The following BBS4 variants were observed in gnomAD, a reference collection of about 807,000 sequenced individuals.
BBS4 encodes the protein BBSome complex member BBS4.
In BBS4, 58 loss-of-function variants were observed where a neutral mutation model predicts 71.4. That is an observed-to-expected ratio of 0.81 (90% CI 0.66 to 1.01). The LOEUF is 1.01. Ranked by LOEUF, BBS4 falls within the 50% of genes least tolerant of loss-of-function variation. BBS4 has a pLI of 0.00. For synonymous variants in BBS4, 228 were observed against 216.8 expected, an observed-to-expected ratio of 1.05 and a Z score of -0.46; for missense variants, 660 against 607.9, an observed-to-expected ratio of 1.09 and a Z score of -0.90.
chr15:72,706,285 C>T (rs141471895), intron 2 of BBS4, among the ~76,000 whole-genome samples: 2 of 151,988 alleles, frequency 1.3e-5, no homozygotes, highest in South Asian at 2.1e-4. Context: ...TATAGGTGCC[C>T]GCCACCACTC....
Position 72,716,800 on chromosome 15 carries a change from G to T in BBS4, c.355G>T (p.Ala119Ser). Residue 119 changes from alanine (A) to serine (S), a missense_variant, in exon 6 of 16, where the codon GCT becomes TCT. Physicochemically the swap from Ala to Ser is moderately conservative, Grantham distance 99. Coordinates refer to ENST00000268057, the MANE Select transcript of BBS4 (RefSeq NM_033028.5). ...CAGATTTCTTTTGGGAAAACATAAA[G>T]CTGCCATTGAAGTATATAATGAAGC... ...RSLFLLGKHK[A>S]AIEVYNEAAK... The T allele has an allele frequency of 6.2e-7, 1 of 1,609,892 alleles. No homozygotes were observed. Among genetic ancestry groups the T allele is most frequent in the Non-Finnish European group, 8.5e-7 (1 of 1,178,170 alleles).
chr15:72,706,262 G>A lies in BBS4; in HGVS notation c.77-3438G>A, dbSNP rs1439234051. On this transcript the variant is annotated intron_variant, in intron 2 of 15. Coordinates refer to ENST00000268057, the MANE Select transcript of BBS4 (RefSeq NM_033028.5). ...AGCGATTCTTTTGCCTCAGCCTCCCGAGTAGCTGGGATTATAGGTGCCCGC... is the reference window on the plus strand; with the variant it reads ...AGCGATTCTTTTGCCTCAGCCTCCCAAGTAGCTGGGATTATAGGTGCCCGC... Among the ~76,000 whole-genome samples, 4 of 151,976 alleles carry A rather than the reference G, an allele frequency of 2.6e-5. No individual in the cohort carries two copies. In the East Asian group the frequency reaches 5.8e-4, roughly 22 times the overall value.
intron 2 of BBS4, among the ~76,000 whole-genome samples, chr15:72,708,555 A>AAGG (rs1332365230): frequency 1.3e-5 from 2 of 152,184 alleles, no homozygotes; most frequent in African/African-American, 4.8e-5. Flanking sequence ...AAATCAGTGC[A>AAGG]CCTTGAACAG....
intron 14 of BBS4, 32 bp downstream of exon 14, chr15:72,735,998 A>G (rs770575180): frequency 6.2e-7 from 1 of 1,613,418 alleles, no homozygotes; most frequent in Non-Finnish European, 8.5e-7. Flanking sequence ...AAGAGTCATA[A>G]GTAAGCTCTC....
Position 72,736,889 on chromosome 15 carries a change from A to C in BBS4, c.1376A>C (p.Gln459Pro). 4 of 1,614,226 alleles carry C rather than the reference A, an allele frequency of 2.5e-6. No homozygotes were observed. The highest frequency in any genetic ancestry group is 3.4e-6 in the Non-Finnish European group (4 of 1,180,042). The change falls in exon 15 of 16, where the codon CAG (glutamine) becomes CCG (proline). Residue 459 changes from glutamine to proline, a missense_variant. By Grantham distance (76) the Gln-to-Pro change is moderately conservative. Transcript: ENST00000268057. ...TCAACCAGCAAACCTGCCAGTTTCC[A>C]GCAGCCTCTGGGCTCTAATCAAGCT... ...TTSTSKPASF[Q>P]QPLGSNQALG...
In BBS4 at chr15:72,731,267, GGAATGACT is replaced by G. The variant is rs762678359; in HGVS notation, c.712-29_712-22del. 6 of 1,613,036 alleles carry G rather than the reference GGAATGACT, an allele frequency of 3.7e-6. No individual in the cohort carries two copies. In the African/African-American group the frequency reaches 5.4e-5, roughly 14 times the overall value. On this transcript the variant is annotated intron_variant, in intron 10 of 15. Coordinates refer to ENST00000268057, the MANE Select transcript of BBS4 (RefSeq NM_033028.5). Reference sequence around the variant, plus strand: ...GCTGCCCCACTGCTACAGCCTTTTGGGAATGACTGAATGACTTTCTCTGTGCCATGTTT... The same window carrying G: ...GCTGCCCCACTGCTACAGCCTTTTGGGAATGACTTTCTCTGTGCCATGTTT...
rs749864724 is a variant in BBS4 at position 72,735,977 on chromosome 15, T to A, written c.1248+11T>A. ...GAATTTGACTCTGAGGTATGTCTTTTATTAGCTCCCAAGAGTCATAAGTAA... is the reference window on the plus strand; with the variant it reads ...GAATTTGACTCTGAGGTATGTCTTTAATTAGCTCCCAAGAGTCATAAGTAA... On this transcript the variant is annotated intron_variant, in intron 14 of 15. Coordinates refer to ENST00000268057, the MANE Select transcript of BBS4 (RefSeq NM_033028.5). The A allele has an allele frequency of 1.2e-6, 2 of 1,614,094 alleles. No homozygotes were observed. Among genetic ancestry groups the A allele is most frequent in the Non-Finnish European group, 1.7e-6 (2 of 1,179,992 alleles).
At chr15:72,717,922 C>T (rs1231898819) in intron 6 of BBS4, among the ~76,000 whole-genome samples, 1 of 152,106 alleles carries the variant, frequency 6.6e-6, no homozygotes, top group East Asian at 1.9e-4. Flanking sequence ...GATCTCGGCT[C>T]ACTGCAACCT....
chr15:72,707,970 A>AT (rs11331269), intron 2 of BBS4, among the ~76,000 whole-genome samples: 14,428 of 142,786 alleles, frequency 0.1, 797 homozygotes, highest in Non-Finnish European at 0.13. Context: ...ATCAGATGTG[A>AT]TTTTTTTTTT....
intron 9 of BBS4, among the ~76,000 whole-genome samples, chr15:72,728,281 T>C (rs1420089716): frequency 6.6e-6 from 1 of 152,184 alleles, no homozygotes; most frequent in Non-Finnish European, 1.5e-5. Flanking sequence ...GTGGATCACT[T>C]GAGCTCAGGA....
At chr15:72,689,935 G>T (rs375768856) in intron 1 of BBS4, among the ~76,000 whole-genome samples, 2 of 151,810 alleles carry the variant, frequency 1.3e-5, no homozygotes, top group African/African-American at 4.8e-5. Flanking sequence ...CTGAGCCTCC[G>T]GAGTAGCTGG....
chr15:72,737,407 TA>T, intron 15 of BBS4, 70 bp from the exon 16 acceptor site: 1 of 1,370,376 alleles, frequency 7.3e-7, no homozygotes, highest in Non-Finnish European at 1.0e-6. Flanking sequence ...TCTTGAACTC[TA>T]ACAGCAAAAA....
intron 10 of BBS4, among the ~76,000 whole-genome samples, chr15:72,730,739 T>G (rs1032006228): frequency 6.6e-6 from 1 of 152,212 alleles, no homozygotes; most frequent in Non-Finnish European, 1.5e-5. Context: ...AAGCTGTTTA[T>G]TAAAGGATAC....
At chr15:72,722,727 T>G (rs2065599717) in intron 6 of BBS4, 67 bp from the exon 7 acceptor site, 1 of 1,421,676 alleles carries the variant, frequency 7.0e-7, no homozygotes, top group Admixed American at 1.7e-5. Flanking sequence ...TAGATGTCTG[T>G]TGTTTCACTC....
chr15:72,729,999 C>T (rs549689108), intron 10 of BBS4, among the ~76,000 whole-genome samples: 5 of 152,156 alleles, frequency 3.3e-5, no homozygotes, highest in South Asian at 2.1e-4. Flanking sequence ...ATCTGCGGCC[C>T]GGCGCGGTGG....
chr15:72,731,065 C>CTTTTTTT lies in BBS4; in HGVS notation c.712-215_712-209dup, dbSNP rs35004414. Among the ~76,000 whole-genome samples the CTTTTTTT allele has an allele frequency of 7.5e-3, 585 of 77,648 alleles. 1 individual carries two copies. Among genetic ancestry groups the CTTTTTTT allele is most frequent in the Non-Finnish European group, 9.7e-3 (406 of 41,828 alleles). 50.9% of individuals were successfully genotyped at this position (77,648 alleles called of 152,430 possible). A position where few individuals can be genotyped will look rare whatever the true frequency, so the allele number is the denominator to read the frequency against. On this transcript the variant is annotated intron_variant, in intron 10 of 15. Coordinates refer to ENST00000268057, the MANE Select transcript of BBS4 (RefSeq NM_033028.5). ...ATGGGTAAAGCAAGTAACATTTTAT[C>CTTTTTTT]TTTTTTTTTTTTTTTTTTTTTTTTT...
In BBS4 at chr15:72,715,518, G is replaced by A. The variant is rs536514632; in HGVS notation, c.332+116G>A. The A allele has an allele frequency of 3.9e-4, 300 of 763,674 alleles. 2 individuals carry two copies. The highest frequency in any genetic ancestry group is 3.9e-3 in the South Asian group (281 of 72,066). The allele number at this position is 763,674 out of a possible 1,614,324, so 47.3% of individuals were successfully genotyped here. On this transcript the variant is annotated intron_variant, in intron 5 of 15. Transcript: ENST00000268057. Reference sequence around the variant, plus strand: ...CAGCCTGATACACAAGTGGGGGAATGGTTTAATAGGTACAGTGGGATTCAC... The same window carrying A: ...CAGCCTGATACACAAGTGGGGGAATAGTTTAATAGGTACAGTGGGATTCAC...
intron 2 of BBS4, among the ~76,000 whole-genome samples, chr15:72,697,750 C>T (rs1464963656): frequency 1.3e-5 from 2 of 152,140 alleles, no homozygotes; most frequent in Non-Finnish European, 2.9e-5. Context: ...TCACTCTTTC[C>T]TCCTCAGCTT....
intron 1 of BBS4, among the ~76,000 whole-genome samples, chr15:72,694,494 CTTG>C (rs2065041365): frequency 6.6e-6 from 1 of 152,138 alleles, no homozygotes; most frequent in Non-Finnish European, 1.5e-5. Context: ...GATATGTTTT[CTTG>C]TTTGGCTGCT....
Sources: allele counts gnomAD v4.1 joint callset (sites outside exome capture counted in the v4.1 genomes callset), GRCh38; gene constraint gnomAD v4.1.1; transcripts MANE v1.5; gene names NCBI Gene and HGNC (gene_info 2026-07-23, HGNC 2026-07-21).